Variants in CASD1 observed in about 807,000 individuals in gnomAD.
CASD1 encodes N-acetylneuraminate (7)9-O-acetyltransferase.
CASD1 carries 41 observed loss-of-function variants against 100.0 expected under a neutral mutation model. That is an observed-to-expected ratio of 0.41 (90% CI 0.32 to 0.53). The LOEUF is 0.53. Among genes scored for constraint, CASD1 ranks in the 20% least tolerant of loss-of-function variants. The probability of loss-of-function intolerance (pLI) is 0.25; values close to 1 mark genes in which losing one functional copy is unlikely to be tolerated. For synonymous variants in CASD1, 321 were observed against 315.6 expected (o/e 1.02, Z -0.18); for missense variants, 774 against 948.7 (o/e 0.82, Z 2.42).
the CASD1 span, among the ~76,000 whole-genome samples, chr7:94,606,865 A>G: frequency 6.6e-6 from 1 of 152,228 alleles, no homozygotes; most frequent in Non-Finnish European, 1.5e-5. Context: ...AAAATTGCAC[A>G]TGGATTAAAG....
the CASD1 span, among the ~76,000 whole-genome samples, chr7:94,633,063 A>G: frequency 6.6e-6 from 1 of 152,056 alleles, no homozygotes; most frequent in African/African-American, 2.4e-5. Flanking sequence ...TCTGAAATAT[A>G]CATGTGTACA....
chr7:94,615,588 GCAGA>G, the CASD1 span, among the ~76,000 whole-genome samples: 3 of 152,082 alleles, frequency 2.0e-5, no homozygotes, highest in African/African-American at 4.8e-5. Flanking sequence ...ACAGCAAAAA[GCAGA>G]CAATCAGTGG....
intron 10 of CASD1, among the ~76,000 whole-genome samples, chr7:94,542,888 A>G (rs1021126245): frequency 2.0e-5 from 3 of 152,194 alleles, no homozygotes; most frequent in Admixed American, 6.5e-5. Context: ...TTCTGATCTA[A>G]TAAGTCATTT....
At chr7:94,630,232 T>C in the CASD1 span, among the ~76,000 whole-genome samples, 2 of 151,898 alleles carry the variant, frequency 1.3e-5, no homozygotes, top group Middle Eastern at 3.2e-3. Context: ...TTTTTTCTTC[T>C]TTCCTTTTTT....
the CASD1 span, among the ~76,000 whole-genome samples, chr7:94,594,769 T>G: frequency 6.6e-6 from 1 of 152,130 alleles, no homozygotes; most frequent in Non-Finnish European, 1.5e-5. Context: ...AATAAAAAGT[T>G]TATTAAAGAA....
chr7:94,569,048 T>C, the CASD1 span, among the ~76,000 whole-genome samples: 2 of 152,158 alleles, frequency 1.3e-5, no homozygotes, highest in Admixed American at 6.5e-5. Flanking sequence ...CTTTGAAATA[T>C]ACGATAAGAT....
At chr7:94,564,510 C>T in the CASD1 span, among the ~76,000 whole-genome samples, 1 of 152,128 alleles carries the variant, frequency 6.6e-6, no homozygotes, top group Non-Finnish European at 1.5e-5. Flanking sequence ...AGCTCTTGCC[C>T]CACAGGCAAA....
intron 4 of CASD1, 115 bp from the exon 5 acceptor site, chr7:94,528,073 G>C (rs1794663307): frequency 1.4e-6 from 1 of 716,472 alleles, no homozygotes; most frequent in East Asian, 2.6e-5. Flanking sequence ...AGATGTCTTG[G>C]ACAAGGTAGT....
chr7:94,510,546 G>C (rs542438762), intron 1 of CASD1, among the ~76,000 whole-genome samples: 3 of 152,360 alleles, frequency 2.0e-5, no homozygotes, highest in Non-Finnish European at 4.4e-5. Context: ...AGACGCTCCA[G>C]ATCAGGGGCT....
the CASD1 span, chr7:94,623,301 T>C: frequency 7.2e-7 from 1 of 1,395,978 alleles, no homozygotes; most frequent in Non-Finnish European, 1.0e-6. Flanking sequence ...AAATAAGAAA[T>C]GATCAACATA....
chr7:94,595,870 AAAGAT>A, the CASD1 span, among the ~76,000 whole-genome samples: 1 of 152,124 alleles, frequency 6.6e-6, no homozygotes, highest in Admixed American at 6.5e-5. Context: ...AGAATAAAAG[AAAGAT>A]AATATACACT....
At chr7:94,576,490 T>C in the CASD1 span, among the ~76,000 whole-genome samples, 50 of 152,370 alleles carry the variant, frequency 3.3e-4, no homozygotes, top group African/African-American at 1.2e-3. Context: ...TGGGCTACAC[T>C]GTACCAGTTT....
chr7:94,629,047 T>C, the CASD1 span: 1 of 152,258 alleles, frequency 6.6e-6, no homozygotes, highest in Non-Finnish European at 1.5e-5. Context: ...GTTATATCAA[T>C]TCTAATGCTA....
At chr7:94,573,462 T>G in the CASD1 span, among the ~76,000 whole-genome samples, 1 of 152,186 alleles carries the variant, frequency 6.6e-6, no homozygotes, top group Non-Finnish European at 1.5e-5. Flanking sequence ...TAGCTGTATC[T>G]TAGGTATTTT....
At chr7:94,538,880 T>C (rs924810523) in intron 9 of CASD1, 87 bp from the exon 10 acceptor site, 12 of 601,632 alleles carry the variant, frequency 2.0e-5, no homozygotes, top group Middle Eastern at 4.4e-4. Context: ...TTATGTCCTA[T>C]AAGAAAACTT....
chr7:94,540,260 A>G (rs1795331870), intron 10 of CASD1, among the ~76,000 whole-genome samples: 1 of 152,160 alleles, frequency 6.6e-6, no homozygotes, highest in Non-Finnish European at 1.5e-5. Context: ...GAACTACTGA[A>G]CTGTTTTTTA....
intron 16 of CASD1, chr7:94,553,296 T>G (rs1220157943): frequency 5.9e-6 from 1 of 168,892 alleles, no homozygotes; most frequent in East Asian, 1.7e-4. Context: ...TTGTTTAAAT[T>G]AAAAAAAAGA....
intron 13 of CASD1, among the ~76,000 whole-genome samples, chr7:94,549,087 C>T (rs1795819444): frequency 6.6e-6 from 1 of 151,892 alleles, no homozygotes; most frequent in Admixed American, 6.6e-5. Context: ...TATATTTTAA[C>T]TTTAACAGTT....
At chr7:94,628,480 A>C in the CASD1 span, 2 of 743,774 alleles carry the variant, frequency 2.7e-6, no homozygotes, top group South Asian at 3.4e-5. Flanking sequence ...AACTAAATAC[A>C]CACATACAAA....
Sources: allele counts gnomAD v4.1 joint callset (sites outside exome capture counted in the v4.1 genomes callset), GRCh38; gene constraint gnomAD v4.1.1; transcripts MANE v1.5; gene names NCBI Gene and HGNC (gene_info 2026-07-23, HGNC 2026-07-21).